ATG5: variants seen among roughly 807,000 people sequenced by gnomAD.
The protein encoded by ATG5 is autophagy related 5.
In ATG5, 14 loss-of-function variants were observed where a neutral mutation model predicts 36.5. The ratio of observed to expected loss-of-function variants is 0.38; its 90% CI spans 0.25 to 0.60. The LOEUF (loss-of-function observed/expected upper bound fraction) is 0.60, where lower values mean the gene tolerates loss of function less well. Among genes scored for constraint, ATG5 ranks in the 20% least tolerant of loss-of-function variants. The pLI is 0.60. For missense variants in ATG5, 195 were observed against 326.7 expected (o/e 0.60, Z 3.11); for synonymous variants, 95 against 101.5 (o/e 0.94, Z 0.38).
chr6:106,286,550 CCTAT>C (rs1438432671), intron 4 of ATG5, among the ~76,000 whole-genome samples: 2 of 152,206 alleles, frequency 1.3e-5, no homozygotes, highest in African/African-American at 4.8e-5. Flanking sequence ...ACCTGGTATT[CCTAT>C]CTTTCTATAA....
intron 4 of ATG5, among the ~76,000 whole-genome samples, chr6:106,292,653 T>C (rs186281290): frequency 6.6e-6 from 1 of 152,314 alleles, no homozygotes; most frequent in East Asian, 1.9e-4. Context: ...AAACTTTAAA[T>C]TTTATTTTTT....
chr6:106,234,100 T>G (rs1312121229), intron 6 of ATG5, among the ~76,000 whole-genome samples: 1 of 152,090 alleles, frequency 6.6e-6, no homozygotes, highest in Non-Finnish European at 1.5e-5. Context: ...ACTTCACCCA[T>G]ACTGGTATGT....
chr6:106,186,713 A>C lies in ATG5; in HGVS notation c.692-37T>G, dbSNP rs1775784488. 3.7e-6 allele frequency: 6 copies of C among 1,603,454 alleles called. No homozygotes were observed. In the East Asian group the frequency reaches 1.3e-4, roughly 36 times the overall value. ...AAGAAACCCAACAACAATAAAAGTC[A>C]AAACAGTTGAAGAAAAAATAATCTG... On this transcript the variant is annotated intron_variant, in intron 7 of 7. Coordinates refer to ENST00000369076, the MANE Select transcript of ATG5 (RefSeq NM_004849.4).
chr6:106,318,254 G>A (rs803360), intron 1 of ATG5, among the ~76,000 whole-genome samples: 1 of 151,988 alleles, frequency 6.6e-6, no homozygotes, highest in East Asian at 1.9e-4. Flanking sequence ...AGGCAGGGAT[G>A]ATCATAAACC....
At chr6:106,276,354 T>C (rs1221035098) in intron 5 of ATG5, among the ~76,000 whole-genome samples, 1 of 151,378 alleles carries the variant, frequency 6.6e-6, no homozygotes, top group East Asian at 1.9e-4. Context: ...GTCCCAGCTA[T>C]TCGGGAGGCT....
chr6:106,310,658 T>C (rs1450382914), intron 2 of ATG5, among the ~76,000 whole-genome samples: 1 of 152,198 alleles, frequency 6.6e-6, no homozygotes, highest in East Asian at 1.9e-4. Context: ...CAGAACTTTT[T>C]CATCATGCTA....
chr6:106,321,419 C>T (rs1273011873), intron 1 of ATG5, among the ~76,000 whole-genome samples: 2 of 150,972 alleles, frequency 1.3e-5, no homozygotes, highest in Admixed American at 6.6e-5. Context: ...AGTGCAGTGG[C>T]GCCATCTCGG....
At chr6:106,297,843 G>GCT (rs1770027955) in intron 3 of ATG5, among the ~76,000 whole-genome samples, 3 of 151,792 alleles carry the variant, frequency 2.0e-5, no homozygotes, top group Non-Finnish European at 4.4e-5. Flanking sequence ...GGCTGAGGCA[G>GCT]GTGGATTGCT....
Position 106,248,257 on chromosome 6 carries a change from A to C in ATG5, c.479-13T>G. 1 of 1,562,286 alleles carries C rather than the reference A, an allele frequency of 6.4e-7. No individual in the cohort carries two copies. The highest frequency in any genetic ancestry group is 8.8e-7 in the Non-Finnish European group (1 of 1,134,486). On this transcript the variant is annotated splice_polypyrimidine_tract_variant and intron_variant, in intron 5 of 7. Transcript: ENST00000369076. ...TGGTCAAATCTGTCTGTAATGATAT[A>C]AATTATTTGTTATTAAAAATGAACA...
chr6:106,268,234 C>A (rs768663141), intron 5 of ATG5, among the ~76,000 whole-genome samples: 4 of 152,158 alleles, frequency 2.6e-5, no homozygotes, highest in Non-Finnish European at 5.9e-5. Flanking sequence ...TGAGCAGGCA[C>A]TTCTCAAAAG....
At chr6:106,232,061 T>C (rs531001945) in intron 6 of ATG5, among the ~76,000 whole-genome samples, 1 of 152,314 alleles carries the variant, frequency 6.6e-6, no homozygotes, top group East Asian at 1.9e-4. Context: ...CCAGGGGACG[T>C]AGGTCCTCTG....
chr6:106,312,613 C>CA (rs1235072813), intron 2 of ATG5, among the ~76,000 whole-genome samples: 1 of 137,174 alleles, frequency 7.3e-6, no homozygotes, highest in Non-Finnish European at 1.6e-5. Context: ...AAAGATCTGG[C>CA]AAAAAAGACT....
chr6:106,230,973 A>G (rs1470087725), intron 6 of ATG5, among the ~76,000 whole-genome samples: 1 of 152,160 alleles, frequency 6.6e-6, no homozygotes, highest in South Asian at 2.1e-4. Flanking sequence ...GGAAGCCCTC[A>G]GAGTCTACCT....
At chr6:106,271,175 A>G (rs185261043) in intron 5 of ATG5, among the ~76,000 whole-genome samples, 22 of 151,882 alleles carry the variant, frequency 1.4e-4, no homozygotes, top group Non-Finnish European at 2.8e-4. Flanking sequence ...ATCTCTCCAA[A>G]CTCATCTCGG....
intron 6 of ATG5, among the ~76,000 whole-genome samples, chr6:106,223,181 T>C (rs1777314183): frequency 6.6e-6 from 1 of 152,218 alleles, no homozygotes; most frequent in Non-Finnish European, 1.5e-5. Flanking sequence ...AAAGTTCTAA[T>C]ACATAACTTT....
At chr6:106,261,063 A>T (rs1236278460) in intron 5 of ATG5, among the ~76,000 whole-genome samples, 1 of 152,242 alleles carries the variant, frequency 6.6e-6, no homozygotes, top group Non-Finnish European at 1.5e-5. Flanking sequence ...TAGAAAGGTA[A>T]TAAAGGAATG....
chr6:106,300,043 C>A (rs1770141500), intron 3 of ATG5, among the ~76,000 whole-genome samples: 1 of 152,220 alleles, frequency 6.6e-6, no homozygotes, highest in South Asian at 2.1e-4. Flanking sequence ...ATGTGTTTCA[C>A]AGCTTTCTAA....
intron 3 of ATG5, among the ~76,000 whole-genome samples, chr6:106,295,724 C>T (rs1769897184): frequency 6.6e-6 from 1 of 152,010 alleles, no homozygotes; most frequent in South Asian, 2.1e-4. Flanking sequence ...CCACTATGCC[C>T]AGCTAATTAT....
intron 3 of ATG5, among the ~76,000 whole-genome samples, chr6:106,303,944 A>G (rs992922293): frequency 6.6e-6 from 1 of 151,642 alleles, no homozygotes; most frequent in Non-Finnish European, 1.5e-5. Flanking sequence ...TATCCAACAC[A>G]GTACTAGAAG....
Sources: allele counts gnomAD v4.1 joint callset (sites outside exome capture counted in the v4.1 genomes callset), GRCh38; gene constraint gnomAD v4.1.1; transcripts MANE v1.5; gene names NCBI Gene and HGNC (gene_info 2026-07-23, HGNC 2026-07-21).